The following LRP1B variants were observed in gnomAD, a reference collection of about 807,000 sequenced individuals.
LRP1B encodes LDL receptor related protein 1B, also known as low-density lipoprotein receptor-related protein 1B.
A neutral mutation model predicts 556.6 loss-of-function variants in LRP1B; 217 were observed. The observed-to-expected ratio is 0.39, with a 90% CI of 0.35 to 0.44. The LOEUF (loss-of-function observed/expected upper bound fraction) is 0.44. Ranked by LOEUF, LRP1B falls within the 20% of genes least tolerant of loss-of-function variation. LRP1B has a pLI of 1.00. For synonymous variants in LRP1B, 2,047 were observed against 1,865.8 expected (o/e 1.10, Z -2.50); for missense variants, 5,053 against 5,620.8 (o/e 0.90, Z 3.23).
intron 1 of LRP1B, among the ~76,000 whole-genome samples, chr2:142,001,065 C>T (rs951085710): frequency 7.2e-5 from 11 of 152,122 alleles, no homozygotes; most frequent in Non-Finnish European, 8.8e-5. Context: ...TTTTGCTTGG[C>T]TCTTGTTCTC....
intron 1 of LRP1B, among the ~76,000 whole-genome samples, chr2:141,974,907 C>T (rs994476713): frequency 6.6e-6 from 1 of 152,052 alleles, no homozygotes. Flanking sequence ...TTTGCCCAGA[C>T]TTCTCATAAT....
At chr2:140,279,330 T>C (rs1004868934) in intron 84 of LRP1B, among the ~76,000 whole-genome samples, 3 of 151,992 alleles carry the variant, frequency 2.0e-5, no homozygotes, top group African/African-American at 7.2e-5. Flanking sequence ...AGGAAAGAGT[T>C]TGAAACATCT....
In LRP1B at chr2:140,620,915, C is replaced by A. The variant is rs948198455; in HGVS notation, c.6800-19276G>T. 7.2e-5 allele frequency among the ~76,000 whole-genome samples: 11 copies of A among 151,882 alleles called. No individual in the cohort carries two copies. In the East Asian group the frequency reaches 2.1e-3, roughly 29 times the overall value. On this transcript the variant is annotated intron_variant, in intron 41 of 90. Transcript: ENST00000389484. ...ATAAAAAATAAGAATTCTTTTGAAC[C>A]CCCAGGATTGTTTTAATAGCATATA...
chr2:140,658,972 A>T (rs183039574), intron 41 of LRP1B, among the ~76,000 whole-genome samples: 61 of 151,898 alleles, frequency 4.0e-4, no homozygotes, highest in South Asian at 1.2e-3. Context: ...TGGGCTATGT[A>T]TGAGTTGTAA....
At chr2:140,805,484 T>G (rs1218056512) in intron 32 of LRP1B, among the ~76,000 whole-genome samples, 1 of 152,200 alleles carries the variant, frequency 6.6e-6, no homozygotes, top group Non-Finnish European at 1.5e-5. Context: ...TAAGACAAAT[T>G]AAGCAGTTTT....
At chr2:140,837,463 T>G (rs1029585098) in intron 31 of LRP1B, among the ~76,000 whole-genome samples, 1 of 152,198 alleles carries the variant, frequency 6.6e-6, no homozygotes, top group Non-Finnish European at 1.5e-5. Context: ...TAGTCAGTTA[T>G]GCTAAAATAG....
At chr2:140,766,859 T>TAAAAAAAATATATATATATA (rs35881662) in intron 35 of LRP1B, among the ~76,000 whole-genome samples, 1 of 50,214 alleles carries the variant, frequency 2.0e-5, no homozygotes, top group African/African-American at 4.5e-5. Context: ...TATATATATA[T>TAAAAAAAATATATATATATA]ATATATAATA....
chr2:141,676,532 C>G lies in LRP1B; in HGVS notation c.205+133747G>C, dbSNP rs530471550. 7.5e-4 allele frequency among the ~76,000 whole-genome samples: 114 copies of G among 152,234 alleles called. 1 individual carries two copies. Among genetic ancestry groups the G allele is most frequent in the Non-Finnish European group, 1.4e-3 (94 of 67,996 alleles). On this transcript the variant is annotated intron_variant, in intron 2 of 90. Coordinates refer to ENST00000389484, the MANE Select transcript of LRP1B (RefSeq NM_018557.3). ...ATACCTATGTTAATTTCCATTTCTT[C>G]CCCATTAATTATAGCTTTTATCATC...
intron 84 of LRP1B, among the ~76,000 whole-genome samples, chr2:140,283,077 T>C (rs1174067545): frequency 6.6e-6 from 1 of 151,804 alleles, no homozygotes; most frequent in Admixed American, 6.6e-5. Context: ...TTTCATTACC[T>C]AGAGATACAT....
intron 2 of LRP1B, among the ~76,000 whole-genome samples, chr2:141,589,422 G>C (rs148681402): frequency 6.6e-6 from 1 of 152,000 alleles, no homozygotes; most frequent in Non-Finnish European, 1.5e-5. Flanking sequence ...TTTATAGCTC[G>C]GTTCTTGTGA....
chr2:141,775,063 C>A (rs936541214), intron 2 of LRP1B, among the ~76,000 whole-genome samples: 4 of 152,206 alleles, frequency 2.6e-5, no homozygotes, highest in Non-Finnish European at 2.9e-5. Context: ...GTCTTAATAT[C>A]TGTGCTATGT....
At chr2:141,795,294 C>T (rs1417773932) in intron 2 of LRP1B, among the ~76,000 whole-genome samples, 2 of 151,982 alleles carry the variant, frequency 1.3e-5, no homozygotes, top group Non-Finnish European at 2.9e-5. Flanking sequence ...CTCCTAGTCT[C>T]CATGCTGTCA....
chr2:141,616,288 T>TAAA (rs11349855), intron 2 of LRP1B, among the ~76,000 whole-genome samples: 14 of 137,476 alleles, frequency 1.0e-4, no homozygotes, highest in South Asian at 2.2e-4. Flanking sequence ...CTCAAGAAAA[T>TAAA]AAAAAAAAAA....
chr2:140,798,036 C>A (rs753741229), intron 32 of LRP1B, among the ~76,000 whole-genome samples: 1 of 152,122 alleles, frequency 6.6e-6, no homozygotes, highest in Non-Finnish European at 1.5e-5. Flanking sequence ...CAACTCTACA[C>A]TCCCTAATCA....
intron 2 of LRP1B, among the ~76,000 whole-genome samples, chr2:141,699,892 A>G (rs1445066311): frequency 6.7e-6 from 1 of 149,438 alleles, no homozygotes; most frequent in African/African-American, 2.5e-5. Flanking sequence ...CCCAAATGAA[A>G]TATATTCTTA....
chr2:141,178,273 C>G (rs139991697), intron 7 of LRP1B, among the ~76,000 whole-genome samples: 148 of 152,170 alleles, frequency 9.7e-4, no homozygotes, highest in African/African-American at 3.4e-3. Flanking sequence ...ACAAAGACAA[C>G]GGGGAATCTC....
chr2:140,333,810 A>G (rs1218179988), intron 79 of LRP1B, among the ~76,000 whole-genome samples: 1 of 151,978 alleles, frequency 6.6e-6, no homozygotes, highest in Non-Finnish European at 1.5e-5. Flanking sequence ...TAGGTAGACA[A>G]AGGTTGGAAG....
chr2:141,683,716 T>G (rs1017774295), intron 2 of LRP1B, among the ~76,000 whole-genome samples: 2 of 152,134 alleles, frequency 1.3e-5, no homozygotes, highest in Non-Finnish European at 2.9e-5. Context: ...TGTTAAATTA[T>G]CAGCTTGTCT....
chr2:140,634,829 G>C (rs1396647443), intron 41 of LRP1B, among the ~76,000 whole-genome samples: 1 of 152,012 alleles, frequency 6.6e-6, no homozygotes, highest in African/African-American at 2.4e-5. Flanking sequence ...GCCATGCCAG[G>C]AGGAATCCTG....
Sources: gnomAD v4.1 joint callset for allele counts (sites outside exome capture counted in the v4.1 genomes callset) on GRCh38, gnomAD v4.1.1 for gene constraint, MANE v1.5 for transcripts, NCBI Gene and HGNC (gene_info 2026-07-23, HGNC 2026-07-21) for gene names.